GPR160: variants seen among roughly 807,000 people sequenced by gnomAD.
The protein encoded by GPR160 is G protein-coupled receptor 160, also known as probable G protein-coupled receptor 160.
Under a neutral mutation model 2.6 loss-of-function variants are expected in GPR160, and 2 were observed. That is an observed-to-expected ratio of 0.77 (90% confidence interval 0.32 to 2.44). The LOEUF is 2.44. Ranked by LOEUF, GPR160 falls within the 30% of genes most tolerant of loss-of-function variation. The probability of loss-of-function intolerance (pLI) is 0.11; values close to 1 mark genes in which losing one functional copy is unlikely to be tolerated. For missense variants in GPR160, 351 were observed against 383.6 expected (o/e 0.91, Z 0.71); for synonymous variants, 130 against 132.2 (o/e 0.98, Z 0.12).
chr3:170,073,291 C>T (rs1424074807), intron 2 of GPR160, among the ~76,000 whole-genome samples: 1 of 151,912 alleles, frequency 6.6e-6, no homozygotes, highest in African/African-American at 2.4e-5. Flanking sequence ...CTGTTTTCTT[C>T]TAGAAATTTT....
At chr3:170,080,911 G>A (rs562958441) in intron 3 of GPR160, among the ~76,000 whole-genome samples, 1 of 152,266 alleles carries the variant, frequency 6.6e-6, no homozygotes, top group South Asian at 2.1e-4. Flanking sequence ...ATGTTGCCCA[G>A]GCTGGTCTTG....
At position 170,043,444 on chromosome 3, in the gene GPR160, A is replaced by G. The variant is rs183154402; in HGVS notation, c.-193+4401A>G. Among the ~76,000 whole-genome samples the G allele has an allele frequency of 4.4e-3, 673 of 152,154 alleles. 3 individuals carry two copies. Among genetic ancestry groups the G allele is most frequent in the Non-Finnish European group, 6.2e-3 (423 of 67,984 alleles). On this transcript the variant is annotated intron_variant, in intron 2 of 3. Coordinates refer to ENST00000355897, the MANE Select transcript of GPR160 (RefSeq NM_014373.3). Reference sequence around the variant, plus strand: ...GTGATCCACCCTCCTCGGCCTCCCAAAATGCTGGGATTAAGGTGTGATCCA... The same window carrying G: ...GTGATCCACCCTCCTCGGCCTCCCAGAATGCTGGGATTAAGGTGTGATCCA...
At chr3:170,063,565 A>AC (rs1712112740) in intron 2 of GPR160, among the ~76,000 whole-genome samples, 1 of 149,994 alleles carries the variant, frequency 6.7e-6, no homozygotes, top group African/African-American at 2.4e-5. Context: ...AAAAAAAAAA[A>AC]AAAAAAAAAC....
intron 2 of GPR160, chr3:170,062,662 G>A: frequency 6.9e-7 from 1 of 1,440,266 alleles, no homozygotes; most frequent in Non-Finnish European, 9.7e-7. Flanking sequence ...CCATCGCCAA[G>A]CAAGCCTTGA....
chr3:170,057,825 A>G (rs1711722574), intron 2 of GPR160: 1 of 152,308 alleles, frequency 6.6e-6, no homozygotes. Context: ...AAGTCCTGAG[A>G]GGCCAGGTGG....
chr3:170,053,637 G>T (rs191418269), intron 2 of GPR160, among the ~76,000 whole-genome samples: 1 of 152,148 alleles, frequency 6.6e-6, no homozygotes, highest in Non-Finnish European at 1.5e-5. Context: ...TTGAGTAGAT[G>T]TAGTAAGGAC....
chr3:170,038,704 C>G lies in GPR160; in HGVS notation c.-321-211C>G, dbSNP rs1030987126. 1 of 152,122 alleles carries G rather than the reference C, an allele frequency of 6.6e-6. No individual in the cohort carries two copies. The highest frequency in any genetic ancestry group is 6.5e-5 in the Admixed American group (1 of 15,284). 9.4% of individuals were successfully genotyped at this position (152,122 alleles called of 1,614,324 possible). On this transcript the variant is annotated intron_variant, in intron 1 of 3. Coordinates refer to ENST00000355897, the MANE Select transcript of GPR160 (RefSeq NM_014373.3). The surrounding 1 kb of genome is among the most constrained non-coding windows in gnomAD (Gnocchi z 5.3). Reference sequence around the variant, plus strand: ...CATTGGGGCCGACTTTGCCTCCCCTCCCCTGGCCTCGAGCGTTGGGGACGG... The same window carrying G: ...CATTGGGGCCGACTTTGCCTCCCCTGCCCTGGCCTCGAGCGTTGGGGACGG...
chr3:170,057,980 G>A (rs1397711268), intron 2 of GPR160: 2 of 152,174 alleles, frequency 1.3e-5, no homozygotes, highest in African/African-American at 4.8e-5. Flanking sequence ...AGCAAGACAC[G>A]AATTTACTAA....
intron 2 of GPR160, among the ~76,000 whole-genome samples, chr3:170,052,737 T>C (rs2108317163): frequency 6.6e-6 from 1 of 152,336 alleles, no homozygotes; most frequent in Non-Finnish European, 1.5e-5. Context: ...TTTAATGAGT[T>C]CACTTTATCA....
At chr3:170,072,980 G>A (rs1712676559) in intron 2 of GPR160, among the ~76,000 whole-genome samples, 1 of 152,104 alleles carries the variant, frequency 6.6e-6, no homozygotes, top group South Asian at 2.1e-4. Flanking sequence ...CCAGGAGTTT[G>A]AGACCAACCT....
intron 2 of GPR160, among the ~76,000 whole-genome samples, chr3:170,039,808 A>G (rs534849530): frequency 1.6e-4 from 24 of 152,372 alleles, no homozygotes; most frequent in Admixed American, 1.5e-3. Context: ...ACTTTTGGTA[A>G]CGGTATCCTG....
At chr3:170,064,437 C>T (rs1426372189) in intron 2 of GPR160, among the ~76,000 whole-genome samples, 1 of 151,462 alleles carries the variant, frequency 6.6e-6, no homozygotes, top group Non-Finnish European at 1.5e-5. Context: ...AAGGTTTTCA[C>T]CTAGACTGTC....
intron 2 of GPR160, among the ~76,000 whole-genome samples, chr3:170,051,093 G>A (rs889953542): frequency 6.6e-6 from 1 of 152,106 alleles, no homozygotes; most frequent in African/African-American, 2.4e-5. Flanking sequence ...CAGTGTATGA[G>A]GATTCTCTAC....
At chr3:170,077,913 C>T (rs1314027900) in intron 2 of GPR160, 4 of 166,412 alleles carry the variant, frequency 2.4e-5, no homozygotes, top group East Asian at 1.7e-4. Context: ...ACGGAACCCT[C>T]GAAAACGAAG....
In GPR160 at chr3:170,083,909, A is replaced by G. The variant is rs1186376712; in HGVS notation, c.-64A>G. 8.8e-6 allele frequency: 8 copies of G among 908,468 alleles called. No homozygotes were observed. The highest frequency in any genetic ancestry group is 3.4e-5 in the African/African-American group (2 of 58,000). The allele number at this position is 908,468 out of a possible 1,614,324, so 56.3% of individuals were successfully genotyped here. A position where few individuals can be genotyped will look rare whatever the true frequency, so the allele number is the denominator to read the frequency against. On this transcript the variant is annotated 5_prime_UTR_variant, in exon 4 of 4. Coordinates refer to ENST00000355897, the MANE Select transcript of GPR160 (RefSeq NM_014373.3). ...TTCTTTTCACTTTTTTTGCAGGGAC[A>G]GAAAATGAAGCAGTGTTTTATCATG...
chr3:170,084,767 T>TA lies in GPR160; in HGVS notation c.798dup (p.Val267SerfsTer8). 1 of 1,607,780 alleles carries TA rather than the reference T, an allele frequency of 6.2e-7. No homozygotes were observed. Among genetic ancestry groups the TA allele is most frequent in the South Asian group, 1.1e-5 (1 of 90,788 alleles). ...TACTTCAGGTAATCATTGTTTTACT[T>TA]AAAGTTCAGATTCCAGCATATATTG... On this transcript the variant is annotated frameshift_variant, in exon 4 of 4. Coordinates refer to ENST00000355897, the MANE Select transcript of GPR160 (RefSeq NM_014373.3). LOFTEE classifies it high-confidence loss of function.
chr3:170,048,162 C>T (rs763599655), intron 2 of GPR160, among the ~76,000 whole-genome samples: 15 of 152,256 alleles, frequency 9.9e-5, no homozygotes, highest in Admixed American at 2.6e-4. Flanking sequence ...ACTCAGGAAT[C>T]GAAAACGAAA....
chr3:170,042,646 A>G (rs1201192397), intron 2 of GPR160, among the ~76,000 whole-genome samples: 3 of 148,338 alleles, frequency 2.0e-5, no homozygotes, highest in Non-Finnish European at 4.5e-5. Context: ...TGGGCAACAT[A>G]GTGAGGCCCC....
chr3:170,066,143 T>C lies in GPR160; in HGVS notation c.-192-13631T>C, dbSNP rs1241590279. ...CTTTTTCTTTTTCTTTTTTTTTTTT[T>C]TTTTTTTTTTTTTTTGTGACAGAGC... On this transcript the variant is annotated intron_variant, in intron 2 of 3. Transcript: ENST00000355897. Among the ~76,000 whole-genome samples, 103 of 123,172 alleles carry C rather than the reference T, an allele frequency of 8.4e-4. 1 individual carries two copies. The highest frequency in any genetic ancestry group is 1.4e-3 in the Non-Finnish European group (80 of 58,156). The allele number at this position is 123,172 out of a possible 152,430, so 80.8% of individuals were successfully genotyped here.
Sources: gnomAD v4.1 joint callset for allele counts (sites outside exome capture counted in the v4.1 genomes callset) on GRCh38, gnomAD v4.1.1 for gene constraint, Gnocchi (gnomAD v3.1) non-coding constraint, MANE v1.5 for transcripts, NCBI Gene and HGNC (gene_info 2026-07-23, HGNC 2026-07-21) for gene names.